The following DLGAP1 variants were observed in gnomAD, a reference collection of about 807,000 sequenced individuals.
DLGAP1 encodes the protein disks large-associated protein 1.
Under a neutral mutation model 90.8 loss-of-function variants are expected in DLGAP1, and 11 were observed. That is an observed-to-expected ratio of 0.12 (90% confidence interval 0.08 to 0.20). DLGAP1 has a LOEUF of 0.20. DLGAP1 is among the 10% of genes least tolerant of loss of function. The pLI is 1.00. For missense variants in DLGAP1, 1,050 were observed against 1,333.8 expected, an observed-to-expected ratio of 0.79 and a Z score of 3.31; for synonymous variants, 558 against 540.7, an observed-to-expected ratio of 1.03 and a Z score of -0.44.
chr18:4,068,516 T>C (rs1461901072), intron 2 of DLGAP1, among the ~76,000 whole-genome samples: 1 of 152,082 alleles, frequency 6.6e-6, no homozygotes, highest in Non-Finnish European at 1.5e-5. Flanking sequence ...CATGAACTGA[T>C]TTAGATGTTT....
At chr18:3,562,162 G>A (rs2054161817) in intron 9 of DLGAP1, among the ~76,000 whole-genome samples, 1 of 152,064 alleles carries the variant, frequency 6.6e-6, no homozygotes, top group South Asian at 2.1e-4. Flanking sequence ...AGGAGGCAGA[G>A]GTTGTAGTGA....
intron 7 of DLGAP1, among the ~76,000 whole-genome samples, chr18:3,591,978 G>T (rs916801566): frequency 7.9e-5 from 12 of 152,268 alleles, no homozygotes; most frequent in African/African-American, 2.9e-4. Flanking sequence ...TCTTTTGGCT[G>T]GGAGGCTATA....
chr18:3,576,262 CTT>C (rs1310824538), intron 8 of DLGAP1, among the ~76,000 whole-genome samples: 17 of 142,768 alleles, frequency 1.2e-4, no homozygotes, highest in South Asian at 2.2e-4. Context: ...CCTCCAACTC[CTT>C]TTTTTTTTTT....
chr18:4,389,050 C>A (rs1023346166), intron 1 of DLGAP1, among the ~76,000 whole-genome samples: 3 of 152,146 alleles, frequency 2.0e-5, no homozygotes, highest in Non-Finnish European at 4.4e-5. Flanking sequence ...TGAAGTGACA[C>A]TTGTACACCT....
intron 1 of DLGAP1, among the ~76,000 whole-genome samples, chr18:4,343,184 G>A (rs191295300): frequency 1.3e-5 from 2 of 152,006 alleles, no homozygotes; most frequent in East Asian, 1.9e-4. Flanking sequence ...GCAGGCGCCT[G>A]TAGTCCCAGC....
At chr18:4,286,434 C>T (rs1264100100) in intron 1 of DLGAP1, among the ~76,000 whole-genome samples, 1 of 152,106 alleles carries the variant, frequency 6.6e-6, no homozygotes, top group Admixed American at 6.6e-5. Flanking sequence ...ACACATGACT[C>T]ATTTCAAGCA....
At chr18:4,180,168 G>C (rs1175356944) in intron 1 of DLGAP1, among the ~76,000 whole-genome samples, 3 of 152,056 alleles carry the variant, frequency 2.0e-5, no homozygotes, top group African/African-American at 4.8e-5. Context: ...CTCTCCCTTT[G>C]TAGTTGAAAG....
intron 4 of DLGAP1, among the ~76,000 whole-genome samples, chr18:3,858,404 C>T (rs747837557): frequency 6.6e-6 from 1 of 151,390 alleles, no homozygotes; most frequent in African/African-American, 2.4e-5. Context: ...TTAACAGAGC[C>T]CTTAATCTGA....
intron 10 of DLGAP1, among the ~76,000 whole-genome samples, chr18:3,523,111 G>A (rs1178611235): frequency 1.3e-5 from 2 of 152,124 alleles, no homozygotes; most frequent in African/African-American, 4.8e-5. Flanking sequence ...AGTGGCTCAC[G>A]CCTGTAATCC....
chr18:3,643,809 G>T (rs1016861043), intron 7 of DLGAP1, among the ~76,000 whole-genome samples: 2 of 152,084 alleles, frequency 1.3e-5, no homozygotes, highest in African/African-American at 4.8e-5. Context: ...GAAAGAGTAC[G>T]TTGATGAAAC....
intron 4 of DLGAP1, among the ~76,000 whole-genome samples, chr18:3,850,641 A>T (rs2069284002): frequency 6.6e-6 from 1 of 152,264 alleles, no homozygotes; most frequent in South Asian, 2.1e-4. Flanking sequence ...GATAGACAAG[A>T]CTTTTGAAGC....
chr18:4,404,438 T>C (rs923268242), intron 1 of DLGAP1, among the ~76,000 whole-genome samples: 3 of 152,090 alleles, frequency 2.0e-5, no homozygotes, highest in African/African-American at 4.8e-5. Flanking sequence ...AAGGAAGAAG[T>C]TGGAATAAAG....
intron 1 of DLGAP1, among the ~76,000 whole-genome samples, chr18:4,327,527 T>A (rs891234104): frequency 2.0e-5 from 3 of 152,074 alleles, no homozygotes; most frequent in African/African-American, 7.2e-5. Context: ...GAGGTCTCTG[T>A]AGAAGATCAA....
chr18:3,551,261 C>CT (rs55798388), intron 9 of DLGAP1, among the ~76,000 whole-genome samples: 141,307 of 151,006 alleles, frequency 0.94, 66,854 homozygotes, highest in East Asian at 1. Context: ...TTCTTTTTTT[C>CT]TTTTTTTGTA....
At chr18:4,240,860 A>T (rs946656459) in intron 1 of DLGAP1, among the ~76,000 whole-genome samples, 2 of 152,250 alleles carry the variant, frequency 1.3e-5, no homozygotes, top group African/African-American at 4.8e-5. Context: ...CCATGTGGTT[A>T]CTATGCAATC....
At chr18:3,703,421 G>A (rs1316804772) in intron 7 of DLGAP1, among the ~76,000 whole-genome samples, 1 of 152,226 alleles carries the variant, frequency 6.6e-6, no homozygotes, top group African/African-American at 2.4e-5. Flanking sequence ...ACAAATAAAT[G>A]AGACTGGTAG....
At chr18:3,874,480 ATT>A in intron 4 of DLGAP1, 1 of 1,435,892 alleles carries the variant, frequency 7.0e-7, no homozygotes, top group Non-Finnish European at 9.1e-7. Context: ...AACATACAAC[ATT>A]TACATAAAGA....
chr18:3,990,288 G>A (rs1287395545), intron 3 of DLGAP1, among the ~76,000 whole-genome samples: 1 of 151,988 alleles, frequency 6.6e-6, no homozygotes, highest in African/African-American at 2.4e-5. Flanking sequence ...ATACACCATG[G>A]AATACTATGC....
chr18:4,355,356 G>A (rs1398599874), intron 1 of DLGAP1, among the ~76,000 whole-genome samples: 1 of 152,144 alleles, frequency 6.6e-6, no homozygotes, highest in East Asian at 1.9e-4. Context: ...GCCCTTCAAA[G>A]GTTACATATG....
Sources: gnomAD v4.1 joint callset for allele counts (sites outside exome capture counted in the v4.1 genomes callset) on GRCh38, gnomAD v4.1.1 for gene constraint, MANE v1.5 for transcripts, NCBI Gene and HGNC (gene_info 2026-07-23, HGNC 2026-07-21) for gene names.